The following PIK3CD variants were observed in gnomAD, a reference collection of about 807,000 sequenced individuals.
PIK3CD encodes phosphatidylinositol 4,5-bisphosphate 3-kinase catalytic subunit delta isoform.
A neutral mutation model predicts 122.9 loss-of-function variants in PIK3CD; 20 were observed. The observed-to-expected ratio is 0.16, with a 90% CI of 0.11 to 0.24. The LOEUF is 0.24. Ranked by LOEUF, PIK3CD falls within the 10% of genes least tolerant of loss-of-function variation. PIK3CD has a pLI of 1.00. For synonymous variants in PIK3CD, 596 were observed against 593.4 expected, an observed-to-expected ratio of 1.00 and a Z score of -0.06; for missense variants, 787 against 1,406.3, an observed-to-expected ratio of 0.56 and a Z score of 7.04.
At position 9,700,197 on chromosome 1, in the gene PIK3CD, C is replaced by A. The variant is rs1646574345; in HGVS notation, c.-33+8626C>A. On this transcript the variant is annotated intron_variant, in intron 2 of 23. Coordinates refer to ENST00000377346, the MANE Select transcript of PIK3CD (RefSeq NM_005026.5). This position sits in a 1 kb window ranked among gnomAD's most constrained non-coding sequence, Gnocchi z 5.1. The stretch of plus-strand genomic sequence containing the variant: ...CCAGGCTGGAATGCAGTGGTGTGAT[C>A]TCGGCTCATTGCAGCCTCCCCCTCG... Among the ~76,000 whole-genome samples the A allele has an allele frequency of 6.6e-6, 1 of 151,066 alleles. No individual in the cohort carries two copies. The highest frequency in any genetic ancestry group is 2.4e-5 in the African/African-American group (1 of 41,028).
At position 9,708,447 on chromosome 1, in the gene PIK3CD, C is replaced by T. The variant is rs536382774; in HGVS notation, c.-32-1977C>T. 3.9e-5 allele frequency among the ~76,000 whole-genome samples: 6 copies of T among 152,212 alleles called. No individual in the cohort carries two copies. In the South Asian group the frequency reaches 1.2e-3, roughly 32 times the overall value. On this transcript the variant is annotated intron_variant, in intron 2 of 23. Transcript: ENST00000377346. ...TCTGCCTGTGTCGCCTCCCAAAGTG[C>T]TGGGACTGCAGGTGTAAGCCACCAT...
At chr1:9,659,868 G>A (rs545023030) in intron 1 of PIK3CD, among the ~76,000 whole-genome samples, 105 of 151,918 alleles carry the variant, frequency 6.9e-4, no homozygotes, top group Admixed American at 1.4e-3. Flanking sequence ...CTCCTGTCTC[G>A]GCCTCCTGAG....
intron 1 of PIK3CD, among the ~76,000 whole-genome samples, chr1:9,667,525 C>T (rs1251834784): frequency 6.6e-6 from 1 of 151,188 alleles, no homozygotes; most frequent in Non-Finnish European, 1.5e-5. Flanking sequence ...CACAGGCTCA[C>T]GCCACCACGC....
At chr1:9,665,858 A>G (rs1015172854) in intron 1 of PIK3CD, among the ~76,000 whole-genome samples, 6 of 151,686 alleles carry the variant, frequency 4.0e-5, no homozygotes, top group East Asian at 2.0e-4. Flanking sequence ...GGTTCAAGCT[A>G]TTCTTCTGCC....
intron 1 of PIK3CD, among the ~76,000 whole-genome samples, chr1:9,656,220 G>C (rs947584606): frequency 1.3e-5 from 2 of 152,122 alleles, no homozygotes; most frequent in East Asian, 1.9e-4. Flanking sequence ...GATGCTGTAC[G>C]GGTTAAGTAT....
chr1:9,694,022 T>C (rs527373861), intron 2 of PIK3CD, among the ~76,000 whole-genome samples: 15 of 152,136 alleles, frequency 9.9e-5, no homozygotes, highest in Admixed American at 2.0e-4. Flanking sequence ...TTCAGAGAGG[T>C]TGGCCCAGCC....
chr1:9,640,465 A>T, the PIK3CD span, among the ~76,000 whole-genome samples: 1 of 145,902 alleles, frequency 6.9e-6, no homozygotes, highest in African/African-American at 2.7e-5. Flanking sequence ...CTGTAATCCC[A>T]GCTACTTGGG....
chr1:9,660,443 C>G (rs1419350046), intron 1 of PIK3CD, among the ~76,000 whole-genome samples: 1 of 152,180 alleles, frequency 6.6e-6, no homozygotes, highest in African/African-American at 2.4e-5. Flanking sequence ...TTTCACTTAA[C>G]ATTGGCTCAT....
At chr1:9,651,584 A>G (rs7516138), upstream of PIK3CD, 80,156 of 152,054 alleles carry the variant, frequency 0.53, 22,757 homozygotes, top group East Asian at 0.9. Flanking sequence ...CGAACTGGGG[A>G]GTGTGGGCGG....
chr1:9,701,024 G>T (rs1037494438), intron 2 of PIK3CD, among the ~76,000 whole-genome samples: 8 of 151,876 alleles, frequency 5.3e-5, no homozygotes, highest in African/African-American at 1.9e-4. Context: ...CTGCTTCTCC[G>T]CAGTCCTTCC....
intron 1 of PIK3CD, among the ~76,000 whole-genome samples, chr1:9,679,833 T>C (rs920503686): frequency 1.3e-5 from 2 of 152,226 alleles, no homozygotes; most frequent in Non-Finnish European, 2.9e-5. Flanking sequence ...TGTTTTCGTT[T>C]TTATTTTTGA....
chr1:9,726,265 T>C (rs911804536), intron 23 of PIK3CD, among the ~76,000 whole-genome samples: 2 of 151,862 alleles, frequency 1.3e-5, no homozygotes, highest in Non-Finnish European at 2.9e-5. Flanking sequence ...ACCCAGCACT[T>C]TGGGAGGCCA....
the PIK3CD span, among the ~76,000 whole-genome samples, chr1:9,642,582 T>C: frequency 6.7e-6 from 1 of 149,836 alleles, no homozygotes; most frequent in East Asian, 2.0e-4. Context: ...CCGGGCGCAG[T>C]GGCGGGTGCC....
At chr1:9,656,627 G>A (rs1339087842) in intron 1 of PIK3CD, among the ~76,000 whole-genome samples, 1 of 152,066 alleles carries the variant, frequency 6.6e-6, no homozygotes, top group Non-Finnish European at 1.5e-5. Flanking sequence ...GCAACATTGC[G>A]AGATCCTGTC....
intron 3 of PIK3CD, among the ~76,000 whole-genome samples, chr1:9,711,064 C>T (rs768166007): frequency 1.5e-4 from 23 of 152,066 alleles, no homozygotes; most frequent in Non-Finnish European, 2.6e-4. Flanking sequence ...AGATTCCAGG[C>T]GTGAGCCACT....
At chr1:9,691,928 A>G (rs545755658) in intron 2 of PIK3CD, 1 of 179,720 alleles carries the variant, frequency 5.6e-6, no homozygotes, top group East Asian at 1.5e-4. Context: ...GAGAAATATT[A>G]AAAGTTTTCT....
rs1243622131 is a variant in PIK3CD at position 9,720,983 on chromosome 1, C to T, written c.1689+74C>T. 22 of 1,491,746 alleles carry T rather than the reference C, an allele frequency of 1.5e-5. No individual in the cohort carries two copies. The highest frequency in any genetic ancestry group is 2.5e-5 in the East Asian group (1 of 40,564). The allele number at this position is 1,491,746 out of a possible 1,614,324, so 92.4% of individuals were successfully genotyped here. A position where few individuals can be genotyped will look rare whatever the true frequency, so the allele number is the denominator to read the frequency against. On this transcript the variant is annotated intron_variant, in intron 13 of 23. Transcript: ENST00000377346. This position sits in a 1 kb window ranked among gnomAD's most constrained non-coding sequence, Gnocchi z 9.0. ...CTCTGGCTACCCACCACCCTGACCC[C>T]GGCCAACCCCCACCCTCACCCTGGC... is the stretch of plus-strand genomic sequence containing the variant.
At chr1:9,678,771 TC>T (rs1645635571) in intron 1 of PIK3CD, among the ~76,000 whole-genome samples, 1 of 152,218 alleles carries the variant, frequency 6.6e-6, no homozygotes, top group Non-Finnish European at 1.5e-5. Context: ...TGAACCTGTT[TC>T]TATTTTCTTT....
At chr1:9,701,409 C>T (rs148240642) in intron 2 of PIK3CD, among the ~76,000 whole-genome samples, 10 of 152,232 alleles carry the variant, frequency 6.6e-5, no homozygotes, top group Middle Eastern at 3.4e-3. Context: ...CGGTGGCTCA[C>T]GCCTGTAATC....
Sources: gnomAD v4.1 joint callset for allele counts (sites outside exome capture counted in the v4.1 genomes callset) on GRCh38, gnomAD v4.1.1 for gene constraint, Gnocchi (gnomAD v3.1) non-coding constraint, MANE v1.5 for transcripts, NCBI Gene and HGNC (gene_info 2026-07-23, HGNC 2026-07-21) for gene names.